TMC1: variants seen among roughly 807,000 people sequenced by gnomAD.
TMC1 encodes the protein transmembrane channel-like protein 1.
TMC1 carries 84 observed loss-of-function variants against 105.8 expected under a neutral mutation model. The ratio of observed to expected loss-of-function variants is 0.79; its 90% confidence interval spans 0.67 to 0.95. TMC1 has a LOEUF of 0.95. Ranked by LOEUF, TMC1 falls within the 40% of genes least tolerant of loss-of-function variation. The probability of loss-of-function intolerance (pLI) is 0.00; values close to 1 mark genes in which losing one functional copy is unlikely to be tolerated. For synonymous variants in TMC1, 315 were observed against 311.5 expected (o/e 1.01, Z -0.12); for missense variants, 817 against 914.1 (o/e 0.89, Z 1.37).
intron 5 of TMC1, among the ~76,000 whole-genome samples, chr9:72,678,816 A>G (rs1479591418): frequency 2.0e-5 from 3 of 152,046 alleles, no homozygotes; most frequent in Non-Finnish European, 4.4e-5. Context: ...TCTGATTGTA[A>G]TCTTCATGTA....
intron 3 of TMC1, among the ~76,000 whole-genome samples, chr9:72,617,908 G>GGT (rs58657161): frequency 0.089 from 12,804 of 144,248 alleles, 551 homozygotes; most frequent in African/African-American, 0.11. Context: ...GTCTATGTGT[G>GGT]GTGTGTGTGT....
rs531935521 is a variant in TMC1 at position 72,699,164 on chromosome 9, A to G, written c.237-1354A>G. ...GCTGATCTCTACAATGTGGTATTGCATGCCTCGATTTAAAATTATGTTGCT... is the reference window on the plus strand; with the variant it reads ...GCTGATCTCTACAATGTGGTATTGCGTGCCTCGATTTAAAATTATGTTGCT... On this transcript the variant is annotated intron_variant, in intron 7 of 23. Coordinates refer to ENST00000297784, the MANE Select transcript of TMC1 (RefSeq NM_138691.3). Among the ~76,000 whole-genome samples, 201 of 152,300 alleles carry G rather than the reference A, an allele frequency of 1.3e-3. 2 individuals are homozygous for G. Among genetic ancestry groups the G allele is most frequent in the Admixed American group, 8.5e-4 (13 of 15,300 alleles).
At position 72,639,787 on chromosome 9, in the gene TMC1, T is replaced by A. The variant is rs188305619; in HGVS notation, c.-52-8810T>A. ...GGACTGCAATTATTTAAAAAGTGTA[T>A]GTCAAATCTAAGTTGCCTTCAAATG... On this transcript the variant is annotated intron_variant, in intron 4 of 23. Coordinates refer to ENST00000297784, the MANE Select transcript of TMC1 (RefSeq NM_138691.3). Among the ~76,000 whole-genome samples the A allele has an allele frequency of 2.4e-3, 366 of 152,320 alleles. 2 individuals are homozygous for A. Among genetic ancestry groups the A allele is most frequent in the Non-Finnish European group, 3.5e-3 (238 of 68,016 alleles).
intron 8 of TMC1, among the ~76,000 whole-genome samples, chr9:72,705,525 C>T (rs1287833043): frequency 6.6e-6 from 1 of 152,176 alleles, no homozygotes; most frequent in South Asian, 2.1e-4. Flanking sequence ...GCTACTGGGC[C>T]ACAATGCCGG....
In TMC1 at chr9:72,772,568, T is replaced by A; in HGVS notation, c.884+13T>A. ...TTGTCCTCAAAGCGTAAGTTTCATT[T>A]GTCTTTTGGGAAGCAAATAATGATT... On this transcript the variant is annotated intron_variant, in intron 13 of 23. Coordinates refer to ENST00000297784, the MANE Select transcript of TMC1 (RefSeq NM_138691.3). The A allele has an allele frequency of 1.2e-6, 2 of 1,613,804 alleles. No homozygotes were observed. Among genetic ancestry groups the A allele is most frequent in the Non-Finnish European group, 1.7e-6 (2 of 1,179,698 alleles).
chr9:72,594,729 A>G (rs1419643876), intron 2 of TMC1, among the ~76,000 whole-genome samples: 1 of 152,068 alleles, frequency 6.6e-6, no homozygotes, highest in Non-Finnish European at 1.5e-5. Flanking sequence ...TATTCTCCTC[A>G]TGAATTTTCC....
At chr9:72,684,348 C>A (rs895921869) in intron 5 of TMC1, among the ~76,000 whole-genome samples, 8 of 152,138 alleles carry the variant, frequency 5.3e-5, no homozygotes, top group Non-Finnish European at 1.2e-4. Flanking sequence ...ATTGTCAAAT[C>A]CAGTGGTCAA....
At chr9:72,721,116 G>A (rs748009976) in intron 8 of TMC1, among the ~76,000 whole-genome samples, 3 of 152,138 alleles carry the variant, frequency 2.0e-5, no homozygotes, top group South Asian at 2.1e-4. Flanking sequence ...CCTCATTGAC[G>A]TAAATATTTT....
At chr9:72,700,729 TATATATATATATATAC>T in intron 8 of TMC1, 86 bp downstream of exon 8, 4 of 169,352 alleles carry the variant, frequency 2.4e-5, no homozygotes, top group Non-Finnish European at 2.8e-5. Context: ...TATATATATA[TATATATATATATATAC>T]ACACACACAC....
At chr9:72,795,907 A>G (rs1424581563) in intron 17 of TMC1, among the ~76,000 whole-genome samples, 2 of 152,048 alleles carry the variant, frequency 1.3e-5, no homozygotes, top group East Asian at 3.9e-4. Flanking sequence ...CAAGAGACCC[A>G]TCTCATGCTT....
chr9:72,747,287 C>T (rs1827504976), intron 10 of TMC1, among the ~76,000 whole-genome samples: 1 of 152,154 alleles, frequency 6.6e-6, no homozygotes. Context: ...AATTGTGCTT[C>T]ACATTCTAGC....
At chr9:72,715,921 T>G (rs1826909617) in intron 8 of TMC1, among the ~76,000 whole-genome samples, 1 of 152,204 alleles carries the variant, frequency 6.6e-6, no homozygotes, top group Admixed American at 6.5e-5. Flanking sequence ...GTCTTTGAAG[T>G]TGGTGACCTT....
chr9:72,541,263 A>T (rs1357636273), intron 1 of TMC1, among the ~76,000 whole-genome samples: 1 of 152,206 alleles, frequency 6.6e-6, no homozygotes, highest in Non-Finnish European at 1.5e-5. Flanking sequence ...TCTATGTCTT[A>T]ACTTCTCCAA....
intron 13 of TMC1, among the ~76,000 whole-genome samples, chr9:72,784,403 A>G (rs2118164755): frequency 7.1e-6 from 1 of 141,266 alleles, no homozygotes; most frequent in South Asian, 2.3e-4. Flanking sequence ...CAAAATGACT[A>G]TTGTTAAAAA....
intron 1 of TMC1, among the ~76,000 whole-genome samples, chr9:72,561,922 C>T (rs944393118): frequency 4.0e-5 from 6 of 151,748 alleles, no homozygotes; most frequent in African/African-American, 1.5e-4. Flanking sequence ...GCGGGAGGAT[C>T]GCTTGAGCTC....
At chr9:72,619,103 A>G (rs1825195168) in intron 3 of TMC1, among the ~76,000 whole-genome samples, 1 of 152,188 alleles carries the variant, frequency 6.6e-6, no homozygotes. Flanking sequence ...CATTTGTCAT[A>G]CTGAAAAGCA....
rs1341329486 is a variant in TMC1 at position 72,740,113 on chromosome 9, T to C, written c.363-6T>C. The C allele has an allele frequency of 6.2e-7, 1 of 1,612,388 alleles. No individual in the cohort carries two copies. Among genetic ancestry groups the C allele is most frequent in the South Asian group, 1.1e-5 (1 of 91,046 alleles). Reference sequence around the variant, plus strand: ...TTTATCCCTTATGTTATTTTTATTTTCTCAGGGAGGCAAAAAAATTTGTGA... The same window carrying C: ...TTTATCCCTTATGTTATTTTTATTTCCTCAGGGAGGCAAAAAAATTTGTGA... On this transcript the variant is annotated splice_polypyrimidine_tract_variant and splice_region_variant and intron_variant, in intron 8 of 23. Coordinates refer to ENST00000297784, the MANE Select transcript of TMC1 (RefSeq NM_138691.3).
intron 12 of TMC1, among the ~76,000 whole-genome samples, chr9:72,768,382 T>C (rs1827872208): frequency 6.6e-6 from 1 of 152,020 alleles, no homozygotes; most frequent in South Asian, 2.1e-4. Flanking sequence ...AGTGACAGGT[T>C]GATGGGTGCA....
intron 21 of TMC1, among the ~76,000 whole-genome samples, chr9:72,829,730 C>T (rs1009579367): frequency 6.6e-6 from 1 of 152,138 alleles, no homozygotes; most frequent in South Asian, 2.1e-4. Flanking sequence ...CAGTTATTTG[C>T]AGCAAAGAGT....
Sources: allele counts gnomAD v4.1 joint callset (sites outside exome capture counted in the v4.1 genomes callset), GRCh38; gene constraint gnomAD v4.1.1; transcripts MANE v1.5; gene names NCBI Gene and HGNC (gene_info 2026-07-23, HGNC 2026-07-21).